The following ZNF329 variants were observed in gnomAD, a reference collection of about 807,000 sequenced individuals.
ZNF329 encodes zinc finger protein 329.
ZNF329 carries 15 observed loss-of-function variants against 26.6 expected under a neutral mutation model. The observed-to-expected ratio is 0.56, with a 90% CI of 0.38 to 0.87. The LOEUF is 0.87. Among genes scored for constraint, ZNF329 ranks in the 40% least tolerant of loss-of-function variants. The probability of loss-of-function intolerance (pLI) is 0.00; values close to 1 mark genes in which losing one functional copy is unlikely to be tolerated. For synonymous variants in ZNF329, 239 were observed against 233.5 expected, an observed-to-expected ratio of 1.02 and a Z score of -0.21; for missense variants, 651 against 651.9, an observed-to-expected ratio of 1.00 and a Z score of 0.02.
chr19:58,128,275 T>C lies in ZNF329; in HGVS notation c.1229A>G (p.Glu410Gly). 1 of 1,609,976 alleles carries C rather than the reference T, an allele frequency of 6.2e-7. No individual in the cohort carries two copies. Among genetic ancestry groups the C allele is most frequent in the South Asian group, 1.1e-5 (1 of 90,374 alleles). The change falls in exon 4 of 4, where the codon GAG becomes GGG. Residue 410 changes from glutamate to glycine, a missense_variant. By Grantham distance (98) the Glu-to-Gly change is moderately conservative (BLOSUM62 -2). Transcript: ENST00000598312. The stretch of plus-strand genomic sequence containing the variant: ...CTGATGCCTGATGAGGTACGCACTC[T>C]CGATGAAAGTCTTGCCACATTCTTT... ...ECKECGKTFIESAYLIRHQRI... is the reference protein window; with the variant it reads ...ECKECGKTFIGSAYLIRHQRI...
rs541976776 is a variant in ZNF329, at chr19:58,129,236, C to T, written c.268G>A (p.Gly90Ser). Residue 90 changes from glycine to serine, a missense_variant, in exon 4 of 4, where the codon GGT becomes AGT. Physicochemically the swap from Gly to Ser is moderately conservative, Grantham distance 56. Transcript: ENST00000598312. ...PPSQRVLATN[G>S]FHAPDSNVSG... is the part of the protein sequence containing the mutation. The stretch of plus-strand genomic sequence containing the variant: ...ACATTTGAGTCAGGTGCATGGAAAC[C>T]ATTTGTTGCCAGAACTCTCTGAGAC... 1 of 1,614,192 alleles carries T rather than the reference C, an allele frequency of 6.2e-7. No individual in the cohort carries two copies. Among genetic ancestry groups the T allele is most frequent in the South Asian group, 1.1e-5 (1 of 91,082 alleles).
chr19:58,142,498 A>G (rs998707168), intron 3 of ZNF329, 59 bp downstream of exon 3: 1 of 152,670 alleles, frequency 6.6e-6, no homozygotes, highest in South Asian at 2.1e-4. Context: ...TATAAAGGAA[A>G]TAACAGTCCT....
chr19:58,150,421 C>G (rs2075424068), intron 1 of ZNF329, among the ~76,000 whole-genome samples: 1 of 152,226 alleles, frequency 6.6e-6, no homozygotes, highest in Non-Finnish European at 1.5e-5. Context: ...CGTGGCAAAA[C>G]AGTCTCTATG....
chr19:58,145,238 C>T (rs2075281214), intron 1 of ZNF329, among the ~76,000 whole-genome samples: 1 of 151,708 alleles, frequency 6.6e-6, no homozygotes, highest in Admixed American at 6.6e-5. Flanking sequence ...GATCCTCCAG[C>T]CTCAGATTCC....
rs1409577265 is a variant in ZNF329, at chr19:58,127,666, C to T, written c.*212G>A. On this transcript the variant is annotated 3_prime_UTR_variant, in exon 4 of 4. Coordinates refer to ENST00000598312, the MANE Select transcript of ZNF329 (RefSeq NM_024620.4). ...TCATGTCTGGTACAGACTGAATCAT[C>T]CCCAAAGACTTTTCTGCCCTCATCC... 2.0e-6 allele frequency: 1 copy of T among 503,450 alleles called. No homozygotes were observed. The highest frequency in any genetic ancestry group is 3.5e-6 in the Non-Finnish European group (1 of 283,828). The allele number at this position is 503,450 out of a possible 1,614,324, so 31.2% of individuals were successfully genotyped here.
intron 3 of ZNF329, among the ~76,000 whole-genome samples, chr19:58,140,288 G>A (rs2075155233): frequency 6.6e-6 from 1 of 152,036 alleles, no homozygotes; most frequent in Non-Finnish European, 1.5e-5. Flanking sequence ...AGAATTATAT[G>A]GATATTTAAT....
intron 1 of ZNF329, among the ~76,000 whole-genome samples, chr19:58,150,456 G>A (rs569476175): frequency 6.6e-6 from 1 of 152,220 alleles, no homozygotes; most frequent in South Asian, 2.1e-4. Context: ...AGATGCGAGC[G>A]CGGAACTCAC....
At position 58,136,179 on chromosome 19, in the gene ZNF329, C is replaced by T. The variant is rs756166014; in HGVS notation, c.-9+6378G>A. Among the ~76,000 whole-genome samples the T allele has an allele frequency of 3.3e-5, 5 of 149,536 alleles. No individual in the cohort carries two copies. In the East Asian group the frequency reaches 9.9e-4, roughly 30 times the overall value. On this transcript the variant is annotated intron_variant, in intron 3 of 3. Transcript: ENST00000598312. ...CTGGGAGGCAGAGGTTGCAGTCAGC[C>T]GAGATCATGCCACTGACTCCAGTCT...
chr19:58,147,996 G>T (rs895967657), intron 1 of ZNF329, among the ~76,000 whole-genome samples: 1 of 152,070 alleles, frequency 6.6e-6, no homozygotes, highest in Non-Finnish European at 1.5e-5. Context: ...GATGGTTGCC[G>T]TGTCTGTGCA....
At chr19:58,137,491 T>C (rs1357228095) in intron 3 of ZNF329, among the ~76,000 whole-genome samples, 1 of 151,274 alleles carries the variant, frequency 6.6e-6, no homozygotes, top group Non-Finnish European at 1.5e-5. Flanking sequence ...GAAGCGGAGG[T>C]TGCAGTGAGC....
intron 3 of ZNF329, among the ~76,000 whole-genome samples, chr19:58,140,890 T>TTTTTGA (rs1600079406): frequency 3.4e-5 from 5 of 148,750 alleles, no homozygotes; most frequent in Non-Finnish European, 4.5e-5. Flanking sequence ...TTTTTTTTTT[T>TTTTTGA]GAGTTAGAAT....
intron 1 of ZNF329, among the ~76,000 whole-genome samples, chr19:58,147,067 A>C (rs1167494578): frequency 6.7e-6 from 1 of 149,826 alleles, no homozygotes; most frequent in Non-Finnish European, 1.5e-5. Context: ...GAAAGTGAGG[A>C]GCGTCTCTGC....
At chr19:58,136,359 G>A (rs1291932210) in intron 3 of ZNF329, among the ~76,000 whole-genome samples, 1 of 151,830 alleles carries the variant, frequency 6.6e-6, no homozygotes, top group Non-Finnish European at 1.5e-5. Flanking sequence ...GAAAATGCTG[G>A]TCTTTAATGC....
At chr19:58,133,946 T>A (rs751204595) in intron 3 of ZNF329, among the ~76,000 whole-genome samples, 3 of 152,090 alleles carry the variant, frequency 2.0e-5, no homozygotes, top group African/African-American at 7.2e-5. Flanking sequence ...TAGACAACAG[T>A]GGCCAATGAG....
chr19:58,134,661 C>T (rs1033044274), intron 3 of ZNF329, among the ~76,000 whole-genome samples: 23 of 152,128 alleles, frequency 1.5e-4, no homozygotes, highest in South Asian at 1.2e-3. Flanking sequence ...GCAGGCCGGG[C>T]GCGGTGGCTC....
chr19:58,136,265 C>T (rs2075064571), intron 3 of ZNF329, among the ~76,000 whole-genome samples: 1 of 151,530 alleles, frequency 6.6e-6, no homozygotes, highest in African/African-American at 2.4e-5. Context: ...AGGAAAACAC[C>T]TACAACTACA....
chr19:58,150,439 G>T (rs945397663), intron 1 of ZNF329, among the ~76,000 whole-genome samples: 6 of 152,204 alleles, frequency 3.9e-5, no homozygotes, highest in Admixed American at 2.0e-4. Context: ...ATGGGAGGGC[G>T]GGCTAGAGAT....
intron 3 of ZNF329, among the ~76,000 whole-genome samples, chr19:58,135,965 C>G (rs557426717): frequency 8.6e-4 from 131 of 152,286 alleles, no homozygotes; most frequent in African/African-American, 3.0e-3. Flanking sequence ...CGCACGGTGG[C>G]TCATGCCTTG....
At position 58,128,437 on chromosome 19, in the gene ZNF329, G is replaced by A. The variant is rs532635246; in HGVS notation, c.1067C>T (p.Ser356Leu). 2.3e-5 allele frequency: 37 copies of A among 1,613,758 alleles called. No homozygotes were observed. The highest frequency in any genetic ancestry group is 2.2e-4 in the Admixed American group (13 of 59,978). The change falls in exon 4 of 4, where the codon TCG becomes TTG. Residue 356 changes from serine to leucine, a missense_variant. Transcript: ENST00000598312. ...SKCGKAFRDG[S>L]YLTQHERTHT... ...AGTCCTCTCATGCTGGGTGAGGTAC[G>A]AGCCGTCCCGGAAAGCCTTTCCACA... is the stretch of plus-strand genomic sequence containing the variant.
Sources: allele counts gnomAD v4.1 joint callset (sites outside exome capture counted in the v4.1 genomes callset), GRCh38; gene constraint gnomAD v4.1.1; transcripts MANE v1.5; gene names NCBI Gene and HGNC (gene_info 2026-07-23, HGNC 2026-07-21).